The following SYMPK variants were observed in gnomAD, a reference collection of about 807,000 sequenced individuals.
SYMPK encodes the protein symplekin.
In SYMPK, 49 loss-of-function variants were observed where a neutral mutation model predicts 136.4. The observed-to-expected ratio is 0.36, with a 90% CI of 0.29 to 0.46. SYMPK has a LOEUF of 0.46. Among genes scored for constraint, SYMPK ranks in the 20% least tolerant of loss-of-function variants. The probability of loss-of-function intolerance (pLI) is 1.00; values close to 1 mark genes in which losing one functional copy is unlikely to be tolerated. For synonymous variants in SYMPK, 766 were observed against 713.0 expected (o/e 1.07, Z -1.19); for missense variants, 1,365 against 1,690.0 (o/e 0.81, Z 3.37).
chr19:45,852,788 C>G (rs1971728102), intron 3 of SYMPK, among the ~76,000 whole-genome samples: 1 of 152,136 alleles, frequency 6.6e-6, no homozygotes, highest in Admixed American at 6.5e-5. Context: ...ACAATGAGAT[C>G]CTACAAGGCA....
rs750409105 is a variant in SYMPK at position 45,838,555 on chromosome 19, G to A, written c.1148C>T (p.Ser383Leu). The A allele has an allele frequency of 6.8e-6, 11 of 1,614,154 alleles. No individual in the cohort carries two copies. Among genetic ancestry groups the A allele is most frequent in the Admixed American group, 5.0e-5 (3 of 60,004 alleles). Residue 383 changes from serine (S) to leucine (L), a missense_variant, in exon 10 of 27, where the codon TCG (serine) becomes TTG (leucine). Transcript: ENST00000245934. Reference sequence around the variant, plus strand: ...GCCGGAGATCTGCGCTGAGGCCTTCGAGGTCCCCGACGGGCCTGGCTCCAA... The same window carrying A: ...GCCGGAGATCTGCGCTGAGGCCTTCAAGGTCCCCGACGGGCCTGGCTCCAA... The part of the protein sequence containing the change: ...KDLEPGPSGT[S>L]KASAQISGQS...
At chr19:45,852,591 T>C in intron 3 of SYMPK, 56 bp from the exon 4 acceptor site, 1 of 1,599,850 alleles carries the variant, frequency 6.3e-7, no homozygotes, top group Non-Finnish European at 8.6e-7. Context: ...GAGGGGCCAA[T>C]CAATGCAGAC....
Position 45,863,141 on chromosome 19 carries a change from G to T in SYMPK, c.-96C>A. Reference sequence around the variant, plus strand: ...GCCGCCGCCGCCGCCGCCATCTTCCGTTCGTCGCCGGGAACGGTGCGCACG... The same window carrying T: ...GCCGCCGCCGCCGCCGCCATCTTCCTTTCGTCGCCGGGAACGGTGCGCACG... On this transcript the variant is annotated 5_prime_UTR_variant, in exon 1 of 27. Coordinates refer to ENST00000245934, the MANE Select transcript of SYMPK (RefSeq NM_004819.3). 1 of 406,126 alleles carries T rather than the reference G, an allele frequency of 2.5e-6. No homozygotes were observed. Among genetic ancestry groups the T allele is most frequent in the Non-Finnish European group, 4.3e-6 (1 of 230,762 alleles). The allele number at this position is 406,126 out of a possible 1,614,324, so 25.2% of individuals were successfully genotyped here. A position where few individuals can be genotyped will look rare whatever the true frequency, so the allele number is the denominator to read the frequency against.
chr19:45,816,582 G>GTC lies in SYMPK; in HGVS notation c.3259-6_3259-5insGA, dbSNP rs777763617. On this transcript the variant is annotated splice_region_variant and splice_polypyrimidine_tract_variant and intron_variant, in intron 24 of 26. Transcript: ENST00000245934. ...GGAGTTAGGGATGTGAGCTTGCTGG[G>GTC]TGGAGAGCAGGAAGGGGGCGCTGGG... 6.2e-7 allele frequency: 1 copy of GTC among 1,613,582 alleles called. No homozygotes were observed. The highest frequency in any genetic ancestry group is 8.5e-7 in the Non-Finnish European group (1 of 1,179,976).
rs182832493 is a variant in SYMPK at position 45,839,137 on chromosome 19, T to C, written c.1088-522A>G. 1.9e-3 allele frequency among the ~76,000 whole-genome samples: 288 copies of C among 152,084 alleles called. 2 individuals are homozygous for C. Among genetic ancestry groups the C allele is most frequent in the African/African-American group, 6.5e-3 (270 of 41,494 alleles). ...TTTCTGACCTCAGGTGATCCACCTG[T>C]CTCAGCCTCCCAAAGTGCTAGGATT... On this transcript the variant is annotated intron_variant, in intron 9 of 26. Coordinates refer to ENST00000245934, the MANE Select transcript of SYMPK (RefSeq NM_004819.3).
At chr19:45,848,568 G>A (rs1043228569) in intron 6 of SYMPK, among the ~76,000 whole-genome samples, 182 bp downstream of exon 6, 5 of 152,198 alleles carry the variant, frequency 3.3e-5, no homozygotes, top group African/African-American at 7.2e-5. Context: ...AGGAATGAAG[G>A]TTAAGTGCAA....
intron 5 of SYMPK, among the ~76,000 whole-genome samples, chr19:45,850,589 C>T (rs778138787): frequency 2.0e-5 from 3 of 152,146 alleles, no homozygotes; most frequent in Admixed American, 1.3e-4. Context: ...TCGAGGCTGC[C>T]ATAATTACGG....
intron 18 of SYMPK, 63 bp from the exon 19 acceptor site, chr19:45,823,938 C>A: frequency 1.5e-6 from 2 of 1,323,238 alleles, no homozygotes; most frequent in Non-Finnish European, 2.0e-6. Context: ...TCAGGTGTTG[C>A]CCGGCAGGGT....
intron 10 of SYMPK, among the ~76,000 whole-genome samples, 156 bp downstream of exon 10, chr19:45,838,305 T>C (rs775483778): frequency 3.9e-4 from 59 of 152,098 alleles, no homozygotes; most frequent in Non-Finnish European, 7.6e-4. Context: ...ACGCTTCCTA[T>C]ACAGCCTGCA....
rs542101435 is a variant in SYMPK, at chr19:45,829,667, G to T, written c.1749+387C>A. Among the ~76,000 whole-genome samples, 3 of 152,276 alleles carry T rather than the reference G, an allele frequency of 2.0e-5. No individual in the cohort carries two copies. The South Asian group carries it at 6.2e-4, about 32-fold the overall frequency. ...AAAAAGTCACTTTTCCCCATTCTTT[G>T]AAGGTAACAGTGCCAGCAAGTGGCA... On this transcript the variant is annotated intron_variant, in intron 13 of 26. Coordinates refer to ENST00000245934, the MANE Select transcript of SYMPK (RefSeq NM_004819.3).
At position 45,821,664 on chromosome 19, in the gene SYMPK, C is replaced by T. The variant is rs1970900950; in HGVS notation, c.2792-179G>A. On this transcript the variant is annotated intron_variant, in intron 21 of 26. Transcript: ENST00000245934. The surrounding 1 kb of genome is among the most constrained non-coding windows in gnomAD (Gnocchi z 4.4). ...AGGGGACACCGAAGGCAGCAGCAGCCCTCAGGCAGCGTGAGGTTGCCACTG... is the reference window on the plus strand; with the variant it reads ...AGGGGACACCGAAGGCAGCAGCAGCTCTCAGGCAGCGTGAGGTTGCCACTG... Among the ~76,000 whole-genome samples the T allele has an allele frequency of 1.3e-5, 2 of 152,304 alleles. No individual in the cohort carries two copies. The highest frequency in any genetic ancestry group is 2.9e-5 in the Non-Finnish European group (2 of 68,022).
In SYMPK at chr19:45,815,616, T is replaced by A. The variant is rs1270703417; in HGVS notation, c.3769A>T (p.Thr1257Ser). The change falls in exon 27 of 27, where the codon ACT becomes TCT. Residue 1257 changes from threonine (T) to serine (S), a missense_variant. Physicochemically the swap from Thr to Ser is moderately conservative, Grantham distance 58. Coordinates refer to ENST00000245934, the MANE Select transcript of SYMPK (RefSeq NM_004819.3). ...LAPVGEDAMKTPSPAAEDARE... is the reference protein window; with the variant it reads ...LAPVGEDAMKSPSPAAEDARE... ...GCGTCCTCGGCAGCCGGGCTGGGAG[T>A]CTTCATAGCATCTTCTCCAACAGGT... 1 of 1,567,898 alleles carries A rather than the reference T, an allele frequency of 6.4e-7. No individual in the cohort carries two copies. Among genetic ancestry groups the A allele is most frequent in the Admixed American group, 1.8e-5 (1 of 55,242 alleles).
At position 45,815,963 on chromosome 19, in the gene SYMPK, C is replaced by T. The variant is rs1031089813; in HGVS notation, c.3575G>A (p.Arg1192Gln). Residue 1192 changes from arginine to glutamine, a missense_variant, in exon 26 of 27, where the codon CGG becomes CAG. Transcript: ENST00000245934. ...GGTCTCGCACTCAGGCCCCTCCTCC[C>T]GGAAATCCATGGCTTCCTCAGACGG... is the stretch of plus-strand genomic sequence containing the variant. ...PPPSEEAMDF[R>Q]EEGPECETPG... The T allele has an allele frequency of 3.7e-6, 6 of 1,610,794 alleles. No individual in the cohort carries two copies. In the Middle Eastern group the frequency reaches 5.0e-4, roughly 133 times the overall value.
At chr19:45,847,593 T>C (rs1971595053) in intron 7 of SYMPK, among the ~76,000 whole-genome samples, 159 bp downstream of exon 7, 1 of 152,052 alleles carries the variant, frequency 6.6e-6, no homozygotes, top group Admixed American at 6.6e-5. Flanking sequence ...GAGTAAGCAG[T>C]GCAGCTGGGA....
intron 22 of SYMPK, chr19:45,820,874 G>T (rs541791723): frequency 5.9e-6 from 3 of 511,522 alleles, no homozygotes; most frequent in Non-Finnish European, 1.0e-5. Context: ...GCCTGTAGGC[G>T]TTCAGGGAGA....
rs569731044 is a variant in SYMPK at position 45,857,952 on chromosome 19, C to T, written c.-12-3445G>A. On this transcript the variant is annotated intron_variant, in intron 1 of 26. Transcript: ENST00000245934. ...TAGCTGGGATTACAGGTATGTGCCA[C>T]CACATCCAGCTAATTTTTGTATTTT... Among the ~76,000 whole-genome samples the T allele has an allele frequency of 2.5e-4, 38 of 152,116 alleles. 1 individual carries two copies. The South Asian group carries it at 5.6e-3, about 22-fold the overall frequency.
In SYMPK at chr19:45,835,072, A is replaced by G. The variant is rs749127469; in HGVS notation, c.1393+6T>C. 3 of 1,586,504 alleles carry G rather than the reference A, an allele frequency of 1.9e-6. No individual in the cohort carries two copies. Among genetic ancestry groups the G allele is most frequent in the East Asian group, 4.5e-5 (2 of 44,526 alleles). On this transcript the variant is annotated splice_donor_region_variant and intron_variant, in intron 11 of 26. Transcript: ENST00000245934. ...CTGGCCCAGGTTAGGGCCAGGACACACTCACCTGGTCCCAGTCCGGCAGCT... is the reference window on the plus strand; with the variant it reads ...CTGGCCCAGGTTAGGGCCAGGACACGCTCACCTGGTCCCAGTCCGGCAGCT...
chr19:45,830,495 C>G, intron 12 of SYMPK: 1 of 372,994 alleles, frequency 2.7e-6, no homozygotes, highest in Non-Finnish European at 5.1e-6. Flanking sequence ...GCTCTCCAGG[C>G]AAAGGCCCTT....
chr19:45,842,618 A>C, intron 8 of SYMPK, 129 bp from the exon 9 acceptor site: 1 of 1,342,238 alleles, frequency 7.5e-7, no homozygotes, highest in Non-Finnish European at 1.0e-6. Context: ...TCACCCTCAG[A>C]TCTAACGTGT....
Sources: gnomAD v4.1 joint callset for allele counts (sites outside exome capture counted in the v4.1 genomes callset) on GRCh38, gnomAD v4.1.1 for gene constraint, Gnocchi (gnomAD v3.1) non-coding constraint, MANE v1.5 for transcripts, NCBI Gene and HGNC (gene_info 2026-07-23, HGNC 2026-07-21) for gene names.